Variants in ADCY5 observed in about 807,000 individuals in gnomAD.
The protein encoded by ADCY5 is adenylate cyclase type 5.
Under a neutral mutation model 119.7 loss-of-function variants are expected in ADCY5, and 30 were observed. That is an observed-to-expected ratio of 0.25 (90% confidence interval 0.19 to 0.34). ADCY5 has a LOEUF of 0.34. Ranked by LOEUF, ADCY5 falls within the 10% of genes least tolerant of loss-of-function variation. The pLI is 1.00. For missense variants in ADCY5, 1,324 were observed against 1,775.2 expected (o/e 0.75, Z 4.57); for synonymous variants, 753 against 762.2 (o/e 0.99, Z 0.20).
chr3:123,327,542 G>T, intron 7 of ADCY5, 76 bp downstream of exon 7: 1 of 1,412,332 alleles, frequency 7.1e-7, no homozygotes. Context: ...GGAAAGAGAA[G>T]GAAGCAGCAG....
intron 19 of ADCY5, among the ~76,000 whole-genome samples, chr3:123,287,584 GA>G (rs1938864579): frequency 6.6e-6 from 1 of 152,160 alleles, no homozygotes; most frequent in Non-Finnish European, 1.5e-5. Context: ...GGGCAGGACT[GA>G]AAACACACAA....
intron 12 of ADCY5, among the ~76,000 whole-genome samples, chr3:123,309,360 T>A (rs949778234): frequency 4.6e-5 from 7 of 152,258 alleles, no homozygotes; most frequent in African/African-American, 1.7e-4. Flanking sequence ...GCAGAAGGGG[T>A]CCCCACGCCA....
chr3:123,398,205 G>T (rs2107603417), intron 1 of ADCY5, among the ~76,000 whole-genome samples: 1 of 152,162 alleles, frequency 6.6e-6, no homozygotes, highest in East Asian at 1.9e-4. Flanking sequence ...CAGCAATGAG[G>T]CCCCCACGTG....
chr3:123,426,546 C>G (rs572561356), intron 1 of ADCY5, among the ~76,000 whole-genome samples: 10 of 152,196 alleles, frequency 6.6e-5, no homozygotes, highest in African/African-American at 2.4e-4. Context: ...AGGCTGGTCT[C>G]AAACTCCTAG....
intron 1 of ADCY5, among the ~76,000 whole-genome samples, chr3:123,405,801 G>A (rs944367667): frequency 1.3e-5 from 2 of 152,000 alleles, no homozygotes; most frequent in African/African-American, 2.4e-5. Context: ...GGCCGGGCTG[G>A]TTTTTGTATC....
At position 123,319,801 on chromosome 3, in the gene ADCY5, G is replaced by T. The variant is rs140176741; in HGVS notation, c.2129C>A (p.Ala710Glu). The change falls in exon 10 of 21, where the codon GCG becomes GAG. Residue 710 changes from alanine to glutamate, a missense_variant. Coordinates refer to ENST00000462833, the MANE Select transcript of ADCY5 (RefSeq NM_183357.3). ...DPKDKNAQESANPEDEVDEFL... is the reference protein window; with the variant it reads ...DPKDKNAQESENPEDEVDEFL... ...CTCATCCACTTCATCCTCAGGGTTC[G>T]CACTCTCCTGGGCGTTCCTGGGGAG... 2 of 1,613,986 alleles carry T rather than the reference G, an allele frequency of 1.2e-6. No homozygotes were observed. Among genetic ancestry groups the T allele is most frequent in the Non-Finnish European group, 1.7e-6 (2 of 1,179,990 alleles).
chr3:123,362,662 A>C (rs1286478072), intron 1 of ADCY5, among the ~76,000 whole-genome samples: 1 of 152,206 alleles, frequency 6.6e-6, no homozygotes, highest in Non-Finnish European at 1.5e-5. Flanking sequence ...CTAGGACTCC[A>C]GATCTGGTGG....
rs188399723 is a variant in ADCY5, at chr3:123,436,453, C to T, written c.1134+10959G>A. On this transcript the variant is annotated intron_variant, in intron 1 of 20. Coordinates refer to ENST00000462833, the MANE Select transcript of ADCY5 (RefSeq NM_183357.3). ...GGAATGGTGGGCTCACACCTGTAAT[C>T]CCAGTACTTTGGGAGGCCAAGGTGG... Among the ~76,000 whole-genome samples, 871 of 152,274 alleles carry T rather than the reference C, an allele frequency of 5.7e-3. 2 individuals are homozygous for T. Among genetic ancestry groups the T allele is most frequent in the Non-Finnish European group, 1.0e-2 (677 of 68,026 alleles).
intron 3 of ADCY5, among the ~76,000 whole-genome samples, chr3:123,337,840 T>G (rs1942093277): frequency 6.6e-6 from 1 of 152,206 alleles, no homozygotes; most frequent in African/African-American, 2.4e-5. Flanking sequence ...AATACTTATT[T>G]GTTGAAAGGA....
At chr3:123,393,799 C>T (rs775566030) in intron 1 of ADCY5, among the ~76,000 whole-genome samples, 3 of 151,772 alleles carry the variant, frequency 2.0e-5, no homozygotes, top group Non-Finnish European at 2.9e-5. Context: ...CCTCCCGCCC[C>T]GGCTGCTGAG....
intron 1 of ADCY5, among the ~76,000 whole-genome samples, chr3:123,390,934 C>T (rs1358343289): frequency 6.6e-6 from 1 of 151,764 alleles, no homozygotes; most frequent in African/African-American, 2.4e-5. Flanking sequence ...CATTTCAAGG[C>T]CTCCCTCTTC....
At chr3:123,431,124 T>C (rs538223178) in intron 1 of ADCY5, among the ~76,000 whole-genome samples, 18 of 152,338 alleles carry the variant, frequency 1.2e-4, no homozygotes, top group Non-Finnish European at 1.9e-4. Context: ...CTAACACTGC[T>C]ATCTACCTGT....
intron 1 of ADCY5, among the ~76,000 whole-genome samples, chr3:123,381,533 C>G (rs753533791): frequency 2.0e-5 from 3 of 152,230 alleles, no homozygotes; most frequent in Non-Finnish European, 4.4e-5. Flanking sequence ...ATGGTTTAGC[C>G]ACAGGGCCAG....
chr3:123,435,344 T>C (rs759256760), intron 1 of ADCY5, among the ~76,000 whole-genome samples: 1 of 152,176 alleles, frequency 6.6e-6, no homozygotes, highest in Admixed American at 6.5e-5. Flanking sequence ...TTTTAGATGC[T>C]TGAGCACAGT....
chr3:123,396,227 G>A (rs1459157583), intron 1 of ADCY5, among the ~76,000 whole-genome samples: 1 of 124,210 alleles, frequency 8.1e-6, no homozygotes, highest in East Asian at 2.4e-4. Context: ...GAAAGAAAAA[G>A]AAACAAAGAA....
chr3:123,412,586 T>C (rs1465723359), intron 1 of ADCY5, among the ~76,000 whole-genome samples: 2 of 152,040 alleles, frequency 1.3e-5, no homozygotes, highest in Non-Finnish European at 2.9e-5. Flanking sequence ...AGCAAAAACC[T>C]TGGAGGAAGA....
At chr3:123,446,063 C>A (rs1457249202) in intron 1 of ADCY5, among the ~76,000 whole-genome samples, 1 of 152,142 alleles carries the variant, frequency 6.6e-6, no homozygotes, top group Admixed American at 6.5e-5. Context: ...CATAAACATT[C>A]CTCTCATTCT....
At chr3:123,431,463 A>G (rs1207967330) in intron 1 of ADCY5, among the ~76,000 whole-genome samples, 1 of 151,584 alleles carries the variant, frequency 6.6e-6, no homozygotes, top group East Asian at 1.9e-4. Context: ...AAAAAATGAG[A>G]GAGAGGAGGA....
rs201333022 is a variant in ADCY5, at chr3:123,318,063, C to T, written c.2311G>A (p.Val771Ile). The T allele has an allele frequency of 6.6e-5, 106 of 1,613,774 alleles. No individual in the cohort carries two copies. Among genetic ancestry groups the T allele is most frequent in the Middle Eastern group, 3.3e-4 (2 of 6,084 alleles). ...FGAYVACASLVFLFICFVQIT... is the reference protein window; with the variant it reads ...FGAYVACASLIFLFICFVQIT... Reference sequence around the variant, plus strand: ...TGGACAAAGCAGATGAAGAGGAAGACGAGCGAGGCACACGCCACATAGGCA... The same window carrying T: ...TGGACAAAGCAGATGAAGAGGAAGATGAGCGAGGCACACGCCACATAGGCA... Residue 771 changes from valine (V) to isoleucine (I), a missense_variant, in exon 11 of 21, where the codon GTC becomes ATC. Val to Ile is a conservative substitution (Grantham distance 29, BLOSUM62 3). Coordinates refer to ENST00000462833, the MANE Select transcript of ADCY5 (RefSeq NM_183357.3).
Sources: gnomAD v4.1 joint callset for allele counts (sites outside exome capture counted in the v4.1 genomes callset) on GRCh38, gnomAD v4.1.1 for gene constraint, MANE v1.5 for transcripts, NCBI Gene and HGNC (gene_info 2026-07-23, HGNC 2026-07-21) for gene names.